Variants in ANTXR1 observed in about 807,000 individuals in gnomAD.
ANTXR1 encodes anthrax toxin receptor 1.
In ANTXR1, 19 loss-of-function variants were observed where a neutral mutation model predicts 78.1. That is an observed-to-expected ratio of 0.24 (90% CI 0.17 to 0.36). The LOEUF is 0.36. Ranked by LOEUF, ANTXR1 falls within the 10% of genes least tolerant of loss-of-function variation. The pLI, the probability that ANTXR1 is intolerant of heterozygous loss-of-function variation, is 1.00. For synonymous variants in ANTXR1, 273 were observed against 260.5 expected (o/e 1.05, Z -0.46); for missense variants, 518 against 718.6 (o/e 0.72, Z 3.19).
intron 3 of ANTXR1, among the ~76,000 whole-genome samples, chr2:69,051,659 TA>T (rs1338581869): frequency 1.3e-5 from 2 of 152,070 alleles, no homozygotes; most frequent in Non-Finnish European, 2.9e-5. Context: ...AAAATTTTGT[TA>T]TAAGAAACAT....
At chr2:69,127,204 C>T (rs1165289693) in intron 12 of ANTXR1, among the ~76,000 whole-genome samples, 1 of 152,176 alleles carries the variant, frequency 6.6e-6, no homozygotes, top group Non-Finnish European at 1.5e-5. Context: ...GGATTTCCTA[C>T]TACCTAAGCG....
chr2:69,046,416 A>C (rs764216258), intron 3 of ANTXR1, among the ~76,000 whole-genome samples: 16 of 152,148 alleles, frequency 1.1e-4, no homozygotes, highest in Non-Finnish European at 2.2e-4. Flanking sequence ...ATCTACTGGG[A>C]ATCTAATTTT....
In ANTXR1 at chr2:69,218,169, C is replaced by T. The variant is rs967973942; in HGVS notation, c.1434+24754C>T. Among the ~76,000 whole-genome samples, 12 of 152,240 alleles carry T rather than the reference C, an allele frequency of 7.9e-5. 1 individual carries two copies. Among genetic ancestry groups the T allele is most frequent in the Admixed American group, 3.3e-4 (5 of 15,308 alleles). The stretch of plus-strand genomic sequence containing the variant: ...TCTAACAGTTCATTCTCCTGGCCCT[C>T]GTGTGAAAACTGCAGAAAAGTCACC... On this transcript the variant is annotated intron_variant, in intron 17 of 17. Coordinates refer to ENST00000303714, the MANE Select transcript of ANTXR1 (RefSeq NM_032208.3).
intron 10 of ANTXR1, 104 bp from the exon 11 acceptor site, chr2:69,122,913 T>G: frequency 7.7e-7 from 1 of 1,292,908 alleles, no homozygotes; most frequent in South Asian, 1.2e-5. Flanking sequence ...GATTTTTGTT[T>G]TTTTGGTATC....
chr2:69,207,893 C>T (rs1326559157), intron 17 of ANTXR1, among the ~76,000 whole-genome samples: 1 of 152,166 alleles, frequency 6.6e-6, no homozygotes, highest in Non-Finnish European at 1.5e-5. Flanking sequence ...GTTTCTCTCT[C>T]CCCCAGTGTG....
Position 69,246,052 on chromosome 2 carries a change from A to G in ANTXR1, c.*567A>G, listed in dbSNP as rs1437503607. On this transcript the variant is annotated 3_prime_UTR_variant, in exon 18 of 18. Coordinates refer to ENST00000303714, the MANE Select transcript of ANTXR1 (RefSeq NM_032208.3). The stretch of plus-strand genomic sequence containing the variant: ...GTATGCAGAAGGATGTTCTTCTGGG[A>G]TTTGCAGGTACATAAAAAATGTATG... 6.6e-6 allele frequency: 1 copy of G among 152,664 alleles called. No homozygotes were observed. Among genetic ancestry groups the G allele is most frequent in the East Asian group, 1.9e-4 (1 of 5,208 alleles). The allele number at this position is 152,664 out of a possible 1,614,324, so 9.5% of individuals were successfully genotyped here.
At chr2:69,175,735 G>A (rs1674103494) in intron 14 of ANTXR1, among the ~76,000 whole-genome samples, 1 of 152,144 alleles carries the variant, frequency 6.6e-6, no homozygotes, top group African/African-American at 2.4e-5. Flanking sequence ...CTATAGGTTG[G>A]TATTTTGTAT....
intron 1 of ANTXR1, among the ~76,000 whole-genome samples, chr2:69,020,511 G>A (rs1344857597): frequency 2.0e-5 from 3 of 152,170 alleles, no homozygotes. Context: ...AGGAGTGTTG[G>A]AGGAAGGCAC....
At chr2:69,201,626 A>C (rs1674774198) in intron 17 of ANTXR1, among the ~76,000 whole-genome samples, 1 of 152,202 alleles carries the variant, frequency 6.6e-6, no homozygotes, top group Non-Finnish European at 1.5e-5. Context: ...TGGGCAAGGA[A>C]GACAGCTTGG....
intron 16 of ANTXR1, among the ~76,000 whole-genome samples, chr2:69,183,611 T>C (rs10183189): frequency 0.56 from 75,945 of 136,140 alleles, 22,889 homozygotes; most frequent in East Asian, 0.77. Flanking sequence ...AGGGACGGAT[T>C]TCACTATGTT....
chr2:69,231,735 T>C (rs892274531), intron 17 of ANTXR1, among the ~76,000 whole-genome samples: 17 of 152,152 alleles, frequency 1.1e-4, no homozygotes, highest in African/African-American at 4.1e-4. Flanking sequence ...CCGCCTTCAT[T>C]GTACCTCAAC....
intron 17 of ANTXR1, among the ~76,000 whole-genome samples, chr2:69,234,439 T>C (rs72827699): frequency 1.3e-5 from 2 of 152,182 alleles, no homozygotes; most frequent in African/African-American, 2.4e-5. Flanking sequence ...CAGATGATAA[T>C]AGTTAACATT....
At chr2:69,238,724 G>A (rs1675829370) in intron 17 of ANTXR1, among the ~76,000 whole-genome samples, 1 of 152,272 alleles carries the variant, frequency 6.6e-6, no homozygotes, top group East Asian at 1.9e-4. Context: ...GGAGAACTAG[G>A]CCAGAGAGAA....
intron 17 of ANTXR1, among the ~76,000 whole-genome samples, chr2:69,233,480 A>G (rs1178976801): frequency 6.6e-6 from 1 of 151,920 alleles, no homozygotes; most frequent in East Asian, 1.9e-4. Context: ...GAAAAATATA[A>G]TGATCTTGAT....
At chr2:69,118,820 A>C (rs1343527527) in intron 10 of ANTXR1, among the ~76,000 whole-genome samples, 1 of 152,164 alleles carries the variant, frequency 6.6e-6, no homozygotes, top group East Asian at 1.9e-4. Context: ...TGAGTTATGG[A>C]AACCAAATGG....
intron 3 of ANTXR1, among the ~76,000 whole-genome samples, chr2:69,064,020 C>A (rs1451782109): frequency 6.6e-6 from 1 of 151,632 alleles, no homozygotes; most frequent in Admixed American, 6.6e-5. Context: ...ACAGAAGTGA[C>A]CATTAGAAAG....
intron 16 of ANTXR1, among the ~76,000 whole-genome samples, chr2:69,191,114 G>A (rs1392445312): frequency 6.6e-6 from 1 of 152,148 alleles, no homozygotes; most frequent in Non-Finnish European, 1.5e-5. Context: ...TGATTGGAAC[G>A]GCTTAATACA....
intron 1 of ANTXR1, among the ~76,000 whole-genome samples, chr2:69,020,831 C>T (rs532231477): frequency 6.6e-6 from 1 of 152,328 alleles, no homozygotes; most frequent in East Asian, 1.9e-4. Context: ...CAGATTCTTC[C>T]ATTCATTTGG....
At chr2:69,082,524 G>A (rs114734913) in intron 8 of ANTXR1, among the ~76,000 whole-genome samples, 112 of 152,132 alleles carry the variant, frequency 7.4e-4, no homozygotes, top group African/African-American at 2.4e-3. Context: ...ACCAGCCCTC[G>A]AGCAAAAGTA....
Sources: gnomAD v4.1 joint callset for allele counts (sites outside exome capture counted in the v4.1 genomes callset) on GRCh38, gnomAD v4.1.1 for gene constraint, MANE v1.5 for transcripts, NCBI Gene and HGNC (gene_info 2026-07-23, HGNC 2026-07-21) for gene names.